COL19A1: variants seen among roughly 807,000 people sequenced by gnomAD.
COL19A1 encodes the protein collagen alpha-1(XIX) chain.
Under a neutral mutation model 190.2 loss-of-function variants are expected in COL19A1, and 159 were observed. The ratio of observed to expected loss-of-function variants is 0.84; its 90% confidence interval spans 0.73 to 0.95. COL19A1 has a LOEUF of 0.95. Ranked by LOEUF, COL19A1 falls within the 40% of genes least tolerant of loss-of-function variation. The pLI is 0.00. For synonymous variants in COL19A1, 509 were observed against 458.9 expected (o/e 1.11, Z -1.39); for missense variants, 1,418 against 1,431.9 (o/e 0.99, Z 0.16).
rs1339229535 is a variant in COL19A1 at position 69,907,590 on chromosome 6, A to C, written c.266+7252A>C. Among the ~76,000 whole-genome samples, 4 of 152,176 alleles carry C rather than the reference A, an allele frequency of 2.6e-5. No homozygotes were observed. In the East Asian group the frequency reaches 7.7e-4, roughly 29 times the overall value. ...ATTATGTTCAATCATTGTTTTCTCC[A>C]TGTATTCTGCATATTTTCCAATATC... On this transcript the variant is annotated intron_variant, in intron 4 of 50. Coordinates refer to ENST00000620364, the MANE Select transcript of COL19A1 (RefSeq NM_001858.6).
At position 70,027,845 on chromosome 6, in the gene COL19A1, T is replaced by A. The variant is rs1778812573; in HGVS notation, c.1080+4165T>A. ...ATCTTAGAATAGACTTGAGAGAGAA[T>A]AATATAAAGTTGTAATTGTGATCTT... On this transcript the variant is annotated intron_variant, in intron 12 of 50. Coordinates refer to ENST00000620364, the MANE Select transcript of COL19A1 (RefSeq NM_001858.6). Among the ~76,000 whole-genome samples the A allele has an allele frequency of 1.3e-5, 2 of 152,140 alleles. 1 individual carries two copies. The highest frequency in any genetic ancestry group is 4.1e-4 in the South Asian group (2 of 4,828).
intron 15 of COL19A1, among the ~76,000 whole-genome samples, chr6:70,077,042 A>AT (rs3840398): frequency 0.34 from 51,667 of 152,090 alleles, 11,072 homozygotes; most frequent in Non-Finnish European, 0.48. Flanking sequence ...AAACAGATAA[A>AT]TTTTCAGAAA....
chr6:70,176,336 T>C (rs1765802275), intron 41 of COL19A1, among the ~76,000 whole-genome samples, 184 bp from the exon 42 acceptor site: 2 of 152,258 alleles, frequency 1.3e-5, no homozygotes, highest in Admixed American at 1.3e-4. Flanking sequence ...AGTTCAGTTG[T>C]CAATTAGCTA....
At chr6:70,061,727 A>G (rs1390343713) in intron 14 of COL19A1, among the ~76,000 whole-genome samples, 2 of 152,116 alleles carry the variant, frequency 1.3e-5, no homozygotes, top group Non-Finnish European at 2.9e-5. Context: ...AGCTGTCAGC[A>G]TTTGGATGAA....
rs376029066 is a variant in COL19A1 at position 69,921,427 on chromosome 6, CAT to C, written c.267-6475_267-6474del. Among the ~76,000 whole-genome samples the C allele has an allele frequency of 6.5e-3, 750 of 115,230 alleles. 37 individuals are homozygous for C. Among genetic ancestry groups the C allele is most frequent in the African/African-American group, 0.019 (497 of 26,314 alleles). The allele number at this position is 115,230 out of a possible 152,430, so 75.6% of individuals were successfully genotyped here. ...CATATATATCATATATCATATATAT[CAT>C]ATATATCATATATATCATATATCAT... On this transcript the variant is annotated intron_variant, in intron 4 of 50. Coordinates refer to ENST00000620364, the MANE Select transcript of COL19A1 (RefSeq NM_001858.6).
chr6:69,996,484 C>G (rs1776911812), intron 11 of COL19A1, among the ~76,000 whole-genome samples: 1 of 151,996 alleles, frequency 6.6e-6, no homozygotes, highest in African/African-American at 2.4e-5. Context: ...AGATGGTAAG[C>G]TACAGGTATA....
intron 12 of COL19A1, among the ~76,000 whole-genome samples, chr6:70,028,957 T>C (rs1778875978): frequency 6.6e-6 from 1 of 152,196 alleles, no homozygotes; most frequent in Admixed American, 6.5e-5. Context: ...TATACAATCT[T>C]AGAAAAGTAG....
chr6:70,079,149 G>A (rs1782081272), intron 15 of COL19A1, among the ~76,000 whole-genome samples: 1 of 152,188 alleles, frequency 6.6e-6, no homozygotes. Flanking sequence ...GCTGATGGGA[G>A]TGACATCAAG....
intron 15 of COL19A1, among the ~76,000 whole-genome samples, chr6:70,075,686 G>T (rs993215127): frequency 6.6e-6 from 1 of 151,918 alleles, no homozygotes; most frequent in African/African-American, 2.4e-5. Flanking sequence ...CAGTGTGCCT[G>T]TGTCTCCTTG....
intron 16 of COL19A1, among the ~76,000 whole-genome samples, chr6:70,115,584 C>T (rs960397620): frequency 3.9e-5 from 6 of 152,012 alleles, no homozygotes; most frequent in Non-Finnish European, 7.4e-5. Context: ...ACCTGGAGAG[C>T]AGGCAAGATA....
At chr6:70,102,919 C>G (rs1453730001) in intron 16 of COL19A1, among the ~76,000 whole-genome samples, 6 of 152,132 alleles carry the variant, frequency 3.9e-5, no homozygotes, top group East Asian at 1.9e-4. Context: ...ATTGACTGCT[C>G]TCTCCTTGAA....
At chr6:69,943,645 C>G (rs529673851) in intron 9 of COL19A1, among the ~76,000 whole-genome samples, 2 of 152,160 alleles carry the variant, frequency 1.3e-5, no homozygotes, top group Admixed American at 1.3e-4. Flanking sequence ...CACTGTTTAA[C>G]AAAAAGACTG....
chr6:69,981,497 A>G (rs1776028850), intron 11 of COL19A1, among the ~76,000 whole-genome samples: 1 of 152,170 alleles, frequency 6.6e-6, no homozygotes, highest in Admixed American at 6.5e-5. Context: ...ACTTATGATG[A>G]CATAAGTTTG....
intron 24 of COL19A1, among the ~76,000 whole-genome samples, chr6:70,144,562 G>A (rs115013801): frequency 3.3e-5 from 5 of 152,258 alleles, no homozygotes; most frequent in African/African-American, 1.2e-4. Context: ...TCTGTTTCTT[G>A]ATATCTACAT....
intron 46 of COL19A1, among the ~76,000 whole-genome samples, chr6:70,187,046 T>C (rs1346562916): frequency 6.6e-6 from 1 of 151,816 alleles, no homozygotes. Flanking sequence ...CCTGGCTAAT[T>C]TTTTTGTATT....
intron 46 of COL19A1, 74 bp downstream of exon 46, chr6:70,184,989 T>A: frequency 3.5e-6 from 5 of 1,445,106 alleles, no homozygotes; most frequent in Non-Finnish European, 4.8e-6. Context: ...GTTACACAAT[T>A]ATGTGTGTAG....
intron 15 of COL19A1, among the ~76,000 whole-genome samples, chr6:70,090,154 G>T (rs528095628): frequency 5.3e-5 from 8 of 151,420 alleles, no homozygotes; most frequent in African/African-American, 1.9e-4. Context: ...TTCAGCCTGG[G>T]TGACAGAGCA....
intron 4 of COL19A1, among the ~76,000 whole-genome samples, chr6:69,901,589 A>T (rs184269485): frequency 6.6e-6 from 1 of 152,272 alleles, no homozygotes; most frequent in Non-Finnish European, 1.5e-5. Flanking sequence ...ATAAGTAGGC[A>T]TTAAATTCTC....
In COL19A1 at chr6:70,068,428, C is replaced by G. The variant is rs755499242; in HGVS notation, c.1176C>G (p.Ser392=). 1 of 1,594,168 alleles carries G rather than the reference C, an allele frequency of 6.3e-7. No homozygotes were observed. The highest frequency in any genetic ancestry group is 1.7e-5 in the Admixed American group (1 of 59,542). Reference sequence around the variant, plus strand: ...GTGTCTCTTTTTCCTCATAGGGTTCCCTGGGGATACAAGGCCCCCAAGGTC... The same window carrying G: ...GTGTCTCTTTTTCCTCATAGGGTTCGCTGGGGATACAAGGCCCCCAAGGTC... The part of the protein sequence containing the change: ...GPPGPPALPG[S]LGIQGPQGPP... The change falls in exon 15 of 51, where the codon TCC becomes TCG. Residue 392 remains serine, a synonymous_variant. Coordinates refer to ENST00000620364, the MANE Select transcript of COL19A1 (RefSeq NM_001858.6).
Sources: allele counts gnomAD v4.1 joint callset (sites outside exome capture counted in the v4.1 genomes callset), GRCh38; gene constraint gnomAD v4.1.1; transcripts MANE v1.5; gene names NCBI Gene and HGNC (gene_info 2026-07-23, HGNC 2026-07-21).